Variants in MME observed in about 807,000 individuals in gnomAD.
MME encodes the protein neprilysin.
MME carries 98 observed loss-of-function variants against 113.2 expected under a neutral mutation model. The observed-to-expected ratio is 0.87, with a 90% CI of 0.74 to 1.02. The LOEUF (loss-of-function observed/expected upper bound fraction) is 1.02, where lower values mean the gene tolerates loss of function less well. Among genes scored for constraint, MME ranks in the 50% least tolerant of loss-of-function variants. The pLI is 0.00. For missense variants in MME, 836 were observed against 896.0 expected (o/e 0.93, Z 0.86); for synonymous variants, 292 against 300.6 (o/e 0.97, Z 0.30).
At chr3:155,045,334 GA>G (rs1202318752) in intron 1 of MME, among the ~76,000 whole-genome samples, 5 of 151,886 alleles carry the variant, frequency 3.3e-5, no homozygotes, top group Middle Eastern at 3.4e-3. Context: ...TATTTTAGTG[GA>G]GACAGGGTTT....
chr3:155,065,016 A>G (rs1714342084), intron 1 of MME, among the ~76,000 whole-genome samples: 1 of 152,168 alleles, frequency 6.6e-6, no homozygotes, highest in South Asian at 2.1e-4. Flanking sequence ...CACCAGTCAT[A>G]CTGCATAAGG....
At chr3:155,055,493 A>G (rs1713894517) in intron 1 of MME, among the ~76,000 whole-genome samples, 2 of 152,024 alleles carry the variant, frequency 1.3e-5, no homozygotes, top group Admixed American at 6.6e-5. Context: ...GCTACTCAGG[A>G]GGCTGAGGCA....
chr3:155,155,244 T>A (rs1025301875), intron 16 of MME, among the ~76,000 whole-genome samples: 3 of 152,190 alleles, frequency 2.0e-5, no homozygotes, highest in Admixed American at 2.0e-4. Flanking sequence ...TTTAGGTAGT[T>A]CTTTTTTAAA....
At chr3:155,143,068 A>G (rs192485254) in intron 12 of MME, among the ~76,000 whole-genome samples, 1 of 152,196 alleles carries the variant, frequency 6.6e-6, no homozygotes, top group East Asian at 1.9e-4. Flanking sequence ...TTCAGCTAAA[A>G]CCTTGAAAAG....
chr3:155,086,948 G>A (rs1463132672), intron 3 of MME, among the ~76,000 whole-genome samples: 1 of 151,794 alleles, frequency 6.6e-6, no homozygotes, highest in Non-Finnish European at 1.5e-5. Flanking sequence ...GGGACTATAG[G>A]CACCTGCCAC....
Position 155,144,447 on chromosome 3 carries a change from C to T in MME, c.1406C>T (p.Ala469Val), listed in dbSNP as rs1721355355. The change falls in exon 14 of 23, where the codon GCT (alanine) becomes GTT (valine). Residue 469 changes from alanine (A) to valine (V), a missense_variant. Transcript: ENST00000360490. Reference protein sequence around the residue: ...TWMDAETKKRAEEKALAIKER... With the variant: ...TWMDAETKKRVEEKALAIKER... Reference sequence around the variant, plus strand: ...ATGGATGCCGAGACAAAAAAGAGAGCTGAAGAAAAGGTAAAGAGCAGACAG... The same window carrying T: ...ATGGATGCCGAGACAAAAAAGAGAGTTGAAGAAAAGGTAAAGAGCAGACAG... The T allele has an allele frequency of 6.2e-7, 1 of 1,609,518 alleles. No individual in the cohort carries two copies. The highest frequency in any genetic ancestry group is 8.5e-7 in the Non-Finnish European group (1 of 1,176,456).
intron 1 of MME, among the ~76,000 whole-genome samples, chr3:155,070,140 T>C (rs1446028445): frequency 6.6e-6 from 1 of 152,244 alleles, no homozygotes; most frequent in Non-Finnish European, 1.5e-5. Flanking sequence ...TTTTCAATTA[T>C]ATACAATATT....
intron 8 of MME, among the ~76,000 whole-genome samples, chr3:155,123,310 G>A (rs1466068561): frequency 2.0e-5 from 2 of 101,418 alleles, no homozygotes; most frequent in African/African-American, 3.8e-5. Context: ...GCCTATGTGT[G>A]TCTCTGCATG....
chr3:155,099,881 C>G (rs1466884224), intron 3 of MME, among the ~76,000 whole-genome samples: 3 of 152,118 alleles, frequency 2.0e-5, no homozygotes, highest in Non-Finnish European at 2.9e-5. Flanking sequence ...GTCTTTATAG[C>G]AGCATGATTT....
intron 20 of MME, among the ~76,000 whole-genome samples, chr3:155,169,286 G>A (rs532175206): frequency 2.6e-5 from 4 of 152,234 alleles, no homozygotes; most frequent in African/African-American, 4.8e-5. Context: ...AGGGACTGAC[G>A]TGATATGGTT....
chr3:155,058,127 T>G (rs575358415), intron 1 of MME, among the ~76,000 whole-genome samples: 6 of 152,182 alleles, frequency 3.9e-5, no homozygotes, highest in Middle Eastern at 3.4e-3. Flanking sequence ...AAAATAAACC[T>G]TGTATTAACC....
intron 1 of MME, among the ~76,000 whole-genome samples, chr3:155,053,367 G>C (rs914835525): frequency 5.3e-5 from 8 of 152,166 alleles, no homozygotes; most frequent in African/African-American, 1.9e-4. Flanking sequence ...CACATGTCTA[G>C]GGAGGCCTCA....
intron 12 of MME, among the ~76,000 whole-genome samples, chr3:155,142,886 A>G (rs960029844): frequency 3.3e-5 from 5 of 152,320 alleles, no homozygotes; most frequent in African/African-American, 1.2e-4. Context: ...GGAGTCTTGG[A>G]AAGAAAATAA....
At chr3:155,121,857 A>G (rs1404584840) in intron 8 of MME, among the ~76,000 whole-genome samples, 1 of 29,926 alleles carries the variant, frequency 3.3e-5, no homozygotes, top group Admixed American at 3.9e-4. Context: ...ATGTTCATCA[A>G]GGATATTGGT....
chr3:155,141,927 TGAATCTTGGACCCAAGAAGA>T, intron 10 of MME, 44 bp from the exon 11 acceptor site: 12 of 1,579,624 alleles, frequency 7.6e-6, no homozygotes, highest in Non-Finnish European at 1.0e-5. Flanking sequence ...TAACTATAAC[TGAATCTTGGACCCAAGAAGA>T]GAAATCCACA....
At chr3:155,084,916 G>T in intron 2 of MME, 143 bp from the exon 3 acceptor site, 1 of 501,240 alleles carries the variant, frequency 2.0e-6, no homozygotes, top group South Asian at 3.9e-5. Context: ...TCTAACCACT[G>T]ACAATGATAT....
At chr3:155,170,286 C>A (rs1027080645) in intron 20 of MME, among the ~76,000 whole-genome samples, 1 of 152,142 alleles carries the variant, frequency 6.6e-6, no homozygotes, top group Non-Finnish European at 1.5e-5. Flanking sequence ...ATCAAGCGAT[C>A]CACCTGCCTT....
Position 155,118,721 on chromosome 3 carries a change from T to A in MME, c.655-25T>A, listed in dbSNP as rs752172623. Reference sequence around the variant, plus strand: ...TTTCTATATTCACTGAATGATTTATTTTCTTTTATGTATATTTTTTATAGA... The same window carrying A: ...TTTCTATATTCACTGAATGATTTATATTCTTTTATGTATATTTTTTATAGA... On this transcript the variant is annotated intron_variant, in intron 7 of 22. Transcript: ENST00000360490. The A allele has an allele frequency of 6.2e-6, 9 of 1,443,886 alleles. No individual in the cohort carries two copies. The South Asian group carries it at 1.1e-4, about 17-fold the overall frequency. 89.4% of individuals were successfully genotyped at this position (1,443,886 alleles called of 1,614,324 possible). A position where few individuals can be genotyped will look rare whatever the true frequency, so the allele number is the denominator to read the frequency against.
chr3:155,105,845 A>G (rs1189165629), intron 3 of MME, among the ~76,000 whole-genome samples: 2 of 152,112 alleles, frequency 1.3e-5, no homozygotes, highest in South Asian at 2.1e-4. Flanking sequence ...TTCTATTGTT[A>G]TTATTATTAT....
Sources: gnomAD v4.1 joint callset for allele counts (sites outside exome capture counted in the v4.1 genomes callset) on GRCh38, gnomAD v4.1.1 for gene constraint, MANE v1.5 for transcripts, NCBI Gene and HGNC (gene_info 2026-07-23, HGNC 2026-07-21) for gene names.